MGAT4C: variants seen among roughly 807,000 people sequenced by gnomAD.
The protein encoded by MGAT4C is MGAT4 family member C.
Under a neutral mutation model 40.1 loss-of-function variants are expected in MGAT4C, and 19 were observed. The observed-to-expected ratio is 0.47, with a 90% CI of 0.33 to 0.70. MGAT4C has a LOEUF of 0.70. MGAT4C is among the 30% of genes least tolerant of loss of function. The pLI, the probability that MGAT4C is intolerant of heterozygous loss-of-function variation, is 0.02. For missense variants in MGAT4C, 491 were observed against 563.2 expected, an observed-to-expected ratio of 0.87 and a Z score of 1.30; for synonymous variants, 181 against 187.1, an observed-to-expected ratio of 0.97 and a Z score of 0.27.
At chr12:86,514,111 A>ACACACACAC (rs1475679807) in intron 2 of MGAT4C, among the ~76,000 whole-genome samples, 12 of 126,578 alleles carry the variant, frequency 9.5e-5, no homozygotes, top group African/African-American at 3.8e-4. Flanking sequence ...CACACACACA[A>ACACACACAC]CCCCGGCTTA....
chr12:86,410,059 C>T (rs1956572798), intron 3 of MGAT4C, among the ~76,000 whole-genome samples: 2 of 151,838 alleles, frequency 1.3e-5, no homozygotes, highest in South Asian at 4.2e-4. Context: ...CTTTAAAGGG[C>T]AATAAAGATC....
chr12:86,458,453 T>C (rs558406689), intron 2 of MGAT4C, among the ~76,000 whole-genome samples: 1 of 152,306 alleles, frequency 6.6e-6, no homozygotes, highest in Admixed American at 6.5e-5. Context: ...TCCTTTGGGC[T>C]GTATTTGCAT....
intron 4 of MGAT4C, among the ~76,000 whole-genome samples, chr12:86,286,215 A>C (rs549080025): frequency 6.6e-6 from 1 of 152,236 alleles, no homozygotes; most frequent in African/African-American, 2.4e-5. Flanking sequence ...GACGTTTTAT[A>C]CACATTAAAA....
chr12:86,277,775 C>T (rs1240830134), intron 4 of MGAT4C, among the ~76,000 whole-genome samples: 1 of 151,920 alleles, frequency 6.6e-6, no homozygotes, highest in African/African-American at 2.4e-5. Context: ...TATGTTAGGA[C>T]CATGCTGTTT....
At chr12:86,092,348 C>G (rs556881237) in intron 1 of MGAT4C, among the ~76,000 whole-genome samples, 22 of 152,000 alleles carry the variant, frequency 1.4e-4, no homozygotes, top group African/African-American at 4.6e-4. Context: ...TACTATTATC[C>G]TGTTGTTCTA....
At chr12:86,707,567 G>C (rs1344693836) in intron 2 of MGAT4C, among the ~76,000 whole-genome samples, 3 of 146,212 alleles carry the variant, frequency 2.1e-5, no homozygotes, top group Admixed American at 1.4e-4. Context: ...GTATTGCTCT[G>C]TCACACATGC....
chr12:86,526,534 T>C (rs1010515497), intron 2 of MGAT4C, among the ~76,000 whole-genome samples: 3 of 152,102 alleles, frequency 2.0e-5, no homozygotes, highest in Middle Eastern at 6.8e-3. Flanking sequence ...TCAGAATCTA[T>C]GATGGAGGCC....
intron 1 of MGAT4C, among the ~76,000 whole-genome samples, chr12:86,831,332 C>T (rs749477446): frequency 2.6e-5 from 4 of 151,672 alleles, no homozygotes; most frequent in African/African-American, 4.8e-5. Flanking sequence ...CAGAGAGCTA[C>T]GAGATGAACC....
At chr12:86,296,515 G>T (rs1246041515) in intron 4 of MGAT4C, among the ~76,000 whole-genome samples, 6 of 152,216 alleles carry the variant, frequency 3.9e-5, no homozygotes, top group Non-Finnish European at 1.5e-5. Flanking sequence ...GACGGCTCAG[G>T]CATGGTGGGC....
chr12:86,771,505 G>A (rs948287521), intron 1 of MGAT4C, among the ~76,000 whole-genome samples: 3 of 152,022 alleles, frequency 2.0e-5, no homozygotes, highest in African/African-American at 7.2e-5. Context: ...AAAGATAGCT[G>A]TAGAAAAAGT....
chr12:86,442,327 G>A (rs1565765748), intron 2 of MGAT4C, among the ~76,000 whole-genome samples: 2 of 152,246 alleles, frequency 1.3e-5, no homozygotes, highest in East Asian at 3.9e-4. Flanking sequence ...TTCTTTTGCT[G>A]TGCAGAAGCT....
chr12:86,521,839 C>A (rs1186649977), intron 2 of MGAT4C, among the ~76,000 whole-genome samples: 1 of 151,940 alleles, frequency 6.6e-6, no homozygotes, highest in African/African-American at 2.4e-5. Context: ...AGCTGTATTC[C>A]CAGTCATTTC....
At chr12:86,320,233 T>C (rs1954347569) in intron 4 of MGAT4C, among the ~76,000 whole-genome samples, 1 of 152,154 alleles carries the variant, frequency 6.6e-6, no homozygotes, top group Non-Finnish European at 1.5e-5. Context: ...TGATAATGGC[T>C]TAATTCATCT....
intron 3 of MGAT4C, among the ~76,000 whole-genome samples, chr12:86,429,866 C>T (rs1956999690): frequency 1.3e-5 from 2 of 152,102 alleles, no homozygotes; most frequent in South Asian, 4.1e-4. Context: ...AATACGTTTT[C>T]TGGCCTTTAT....
At chr12:86,348,948 C>T (rs532470915) in intron 3 of MGAT4C, among the ~76,000 whole-genome samples, 50 of 152,086 alleles carry the variant, frequency 3.3e-4, no homozygotes, top group African/African-American at 1.2e-3. Context: ...TATTTTATCA[C>T]TTTTATTATA....
intron 4 of MGAT4C, 93 bp from the exon 5 acceptor site, chr12:85,980,523 T>C: frequency 9.0e-7 from 1 of 1,110,474 alleles, no homozygotes; most frequent in Non-Finnish European, 1.3e-6. Context: ...ACTTGCTACT[T>C]ACTACATATT....
intron 4 of MGAT4C, among the ~76,000 whole-genome samples, chr12:86,287,465 C>T (rs1298901218): frequency 6.6e-6 from 1 of 151,920 alleles, no homozygotes; most frequent in Non-Finnish European, 1.5e-5. Context: ...ATCAACCTAT[C>T]AACTACATTA....
chr12:86,460,501 CTTA>C (rs1418638761), intron 2 of MGAT4C, among the ~76,000 whole-genome samples: 3 of 152,056 alleles, frequency 2.0e-5, no homozygotes, highest in African/African-American at 7.2e-5. Flanking sequence ...CACATTAAAA[CTTA>C]TTATTAATAA....
chr12:86,365,498 G>A (rs1434940615), intron 3 of MGAT4C, among the ~76,000 whole-genome samples: 9 of 152,138 alleles, frequency 5.9e-5, no homozygotes, highest in Admixed American at 4.6e-4. Flanking sequence ...AGTGATAAGT[G>A]TCCATGAAAT....
Sources: gnomAD v4.1 joint callset for allele counts (sites outside exome capture counted in the v4.1 genomes callset) on GRCh38, gnomAD v4.1.1 for gene constraint, MANE v1.5 for transcripts, NCBI Gene and HGNC (gene_info 2026-07-23, HGNC 2026-07-21) for gene names.